TRAPPC9: variants seen among roughly 807,000 people sequenced by gnomAD.
TRAPPC9 encodes the protein IKK2 binding protein.
A neutral mutation model predicts 124.0 loss-of-function variants in TRAPPC9; 83 were observed. The observed-to-expected ratio is 0.67, with a 90% CI of 0.56 to 0.80. TRAPPC9 has a LOEUF of 0.80. TRAPPC9 is among the 30% of genes least tolerant of loss of function. TRAPPC9 has a pLI of 0.00. For missense variants in TRAPPC9, 1,302 were observed against 1,508.3 expected (o/e 0.86, Z 2.27); for synonymous variants, 638 against 617.5 (o/e 1.03, Z -0.49).
At chr8:140,198,595 C>T (rs559814465) in intron 17 of TRAPPC9, among the ~76,000 whole-genome samples, 33 of 152,264 alleles carry the variant, frequency 2.2e-4, no homozygotes, top group Admixed American at 5.2e-4. Context: ...CTCTGCTCCC[C>T]GAATGCCCAG....
At chr8:140,411,649 A>G (rs976848193) in intron 5 of TRAPPC9, among the ~76,000 whole-genome samples, 4 of 152,130 alleles carry the variant, frequency 2.6e-5, no homozygotes, top group African/African-American at 9.7e-5. Flanking sequence ...GCCTGAACCT[A>G]AAATATCTTG....
chr8:140,079,361 G>C (rs1017536342), intron 17 of TRAPPC9, among the ~76,000 whole-genome samples: 1 of 152,162 alleles, frequency 6.6e-6, no homozygotes, highest in Non-Finnish European at 1.5e-5. Context: ...GTTCACTCTT[G>C]GTTCTGCTCC....
At chr8:140,322,087 G>A (rs1277233961) in intron 9 of TRAPPC9, among the ~76,000 whole-genome samples, 1 of 152,162 alleles carries the variant, frequency 6.6e-6, no homozygotes, top group African/African-American at 2.4e-5. Context: ...GAAGGCTGGG[G>A]GCAGGACCAA....
chr8:140,047,117 C>T lies in TRAPPC9; in HGVS notation c.2557-23038G>A, dbSNP rs1366691114. Among the ~76,000 whole-genome samples, 6 of 152,342 alleles carry T rather than the reference C, an allele frequency of 3.9e-5. No individual in the cohort carries two copies. The East Asian group carries it at 7.7e-4, about 20-fold the overall frequency. On this transcript the variant is annotated intron_variant, in intron 17 of 22. Coordinates refer to ENST00000438773, the MANE Select transcript of TRAPPC9 (RefSeq NM_001160372.4). ...CTAGCCCAACCCTGCCTGGGCCCCG[C>T]CAGCCTCTCCCGGCACAGCCTCACA...
At position 140,300,019 on chromosome 8, in the gene TRAPPC9, G is replaced by C. The variant is rs188232555; in HGVS notation, c.1768+450C>G. ...CATCTCCAACTGTCACTCTTCTGTA[G>C]TTCACATAAGTCTCAGTTAACAAAA... On this transcript the variant is annotated intron_variant, in intron 11 of 22. Coordinates refer to ENST00000438773, the MANE Select transcript of TRAPPC9 (RefSeq NM_001160372.4). 2.5e-3 allele frequency among the ~76,000 whole-genome samples: 384 copies of C among 152,310 alleles called. 2 individuals are homozygous for C. Among genetic ancestry groups the C allele is most frequent in the African/African-American group, 8.9e-3 (370 of 41,562 alleles).
chr8:140,165,768 C>G (rs974516411), intron 17 of TRAPPC9, among the ~76,000 whole-genome samples: 7 of 152,110 alleles, frequency 4.6e-5, no homozygotes, highest in Non-Finnish European at 8.8e-5. Flanking sequence ...AGCAGAGCCA[C>G]AGTTCAAACC....
chr8:140,412,096 C>T (rs2069725309), intron 5 of TRAPPC9, among the ~76,000 whole-genome samples: 1 of 152,162 alleles, frequency 6.6e-6, no homozygotes, highest in Admixed American at 6.5e-5. Flanking sequence ...AGTAACTTTA[C>T]AGTGGAAAAC....
intron 5 of TRAPPC9, among the ~76,000 whole-genome samples, chr8:140,416,817 T>C (rs1304476175): frequency 1.3e-5 from 2 of 152,168 alleles, no homozygotes; most frequent in African/African-American, 4.8e-5. Flanking sequence ...GACTTCAAAC[T>C]ATACTACAAG....
intron 15 of TRAPPC9, among the ~76,000 whole-genome samples, chr8:140,259,994 G>A (rs749366815): frequency 3.3e-5 from 5 of 152,200 alleles, no homozygotes; most frequent in Admixed American, 2.0e-4. Flanking sequence ...AAAAGAAAAC[G>A]AAGACCTGCC....
At chr8:140,126,394 A>G (rs2061098270) in intron 17 of TRAPPC9, among the ~76,000 whole-genome samples, 1 of 152,156 alleles carries the variant, frequency 6.6e-6, no homozygotes, top group Non-Finnish European at 1.5e-5. Context: ...AAAGACGTTA[A>G]CGAATCAGCC....
chr8:139,973,659 G>A (rs996494577), intron 19 of TRAPPC9, among the ~76,000 whole-genome samples: 2 of 152,212 alleles, frequency 1.3e-5, no homozygotes, highest in Non-Finnish European at 2.9e-5. Context: ...AGTCACTGGC[G>A]CTGACCCCGG....
chr8:140,261,704 G>A (rs2064418465), intron 15 of TRAPPC9, among the ~76,000 whole-genome samples: 1 of 152,140 alleles, frequency 6.6e-6, no homozygotes, highest in Admixed American at 6.5e-5. Flanking sequence ...CTTGCCTGTT[G>A]GGATGGCTTT....
At chr8:139,793,593 A>C (rs2130622488) in intron 21 of TRAPPC9, among the ~76,000 whole-genome samples, 1 of 152,214 alleles carries the variant, frequency 6.6e-6, no homozygotes, top group East Asian at 1.9e-4. Context: ...CTGGATAGAG[A>C]CTTAGTCATC....
intron 17 of TRAPPC9, among the ~76,000 whole-genome samples, chr8:140,210,902 T>A (rs377480164): frequency 1.1e-4 from 16 of 152,344 alleles, no homozygotes; most frequent in African/African-American, 3.8e-4. Context: ...TCGCCGCTGA[T>A]GGGAACAGCC....
intron 21 of TRAPPC9, among the ~76,000 whole-genome samples, chr8:139,858,321 T>C (rs1317289730): frequency 6.6e-6 from 1 of 152,218 alleles, no homozygotes; most frequent in East Asian, 1.9e-4. Flanking sequence ...ACTTCCGCGA[T>C]CATAAGGAGG....
intron 17 of TRAPPC9, among the ~76,000 whole-genome samples, chr8:140,193,086 A>G (rs1034651710): frequency 5.9e-5 from 9 of 152,230 alleles, no homozygotes; most frequent in African/African-American, 2.2e-4. Context: ...GGCTGTTTAA[A>G]TCTTGCAGAA....
chr8:140,350,924 C>G (rs991128821), intron 9 of TRAPPC9, among the ~76,000 whole-genome samples: 2 of 151,612 alleles, frequency 1.3e-5, no homozygotes, highest in Non-Finnish European at 2.9e-5. Flanking sequence ...GAGGGGTGTC[C>G]GGAGAATGAA....
Position 140,164,497 on chromosome 8 carries a change from A to G in TRAPPC9, c.2556+56962T>C, listed in dbSNP as rs139253055. 2.1e-3 allele frequency among the ~76,000 whole-genome samples: 317 copies of G among 152,156 alleles called. 3 individuals are homozygous for G. Among genetic ancestry groups the G allele is most frequent in the South Asian group, 9.3e-3 (45 of 4,822 alleles). On this transcript the variant is annotated intron_variant, in intron 17 of 22. Coordinates refer to ENST00000438773, the MANE Select transcript of TRAPPC9 (RefSeq NM_001160372.4). The stretch of plus-strand genomic sequence containing the variant: ...TCTGTGAACAGCTCTGCATTTTCCC[A>G]TCCCTCAGACGCTGGGATGCAGAAT...
At chr8:139,789,015 A>G (rs1165084937) in intron 21 of TRAPPC9, among the ~76,000 whole-genome samples, 1 of 152,216 alleles carries the variant, frequency 6.6e-6, no homozygotes, top group African/African-American at 2.4e-5. Flanking sequence ...ATGCAAACAA[A>G]TTATGGGAGG....
Sources: allele counts gnomAD v4.1 joint callset (sites outside exome capture counted in the v4.1 genomes callset), GRCh38; gene constraint gnomAD v4.1.1; transcripts MANE v1.5; gene names NCBI Gene and HGNC (gene_info 2026-07-23, HGNC 2026-07-21).